Variants in TMEM272 observed in about 807,000 individuals in gnomAD.
TMEM272 encodes transmembrane protein 272.
In TMEM272, 8 loss-of-function variants were observed where a neutral mutation model predicts 3.7. That is an observed-to-expected ratio of 2.17 (90% CI 1.27 to 3.91). TMEM272 has a LOEUF of 3.91. Among genes scored for constraint, TMEM272 ranks in the 30% most tolerant of loss-of-function variants. The pLI is 0.00. For synonymous variants in TMEM272, 63 were observed against 39.8 expected (o/e 1.58, Z -2.20); for missense variants, 166 against 91.5 (o/e 1.81, Z -3.32).
the TMEM272 span, among the ~76,000 whole-genome samples, chr13:51,852,747 C>G: frequency 6.6e-6 from 1 of 151,904 alleles, no homozygotes; most frequent in South Asian, 2.1e-4. Flanking sequence ...GGCGTGGTGG[C>G]GGGCTTCTGT....
At chr13:51,923,564 C>T in the TMEM272 span, among the ~76,000 whole-genome samples, 4 of 151,814 alleles carry the variant, frequency 2.6e-5, no homozygotes, top group South Asian at 2.1e-4. Flanking sequence ...TTGGGGCTGG[C>T]GCTGTGGACT....
chr13:51,834,093 T>C (rs2139575557), intron 2 of TMEM272, among the ~76,000 whole-genome samples: 1 of 152,262 alleles, frequency 6.6e-6, no homozygotes, highest in South Asian at 2.1e-4. Flanking sequence ...GGTGCTGACC[T>C]GATAGCAAGG....
the TMEM272 span, among the ~76,000 whole-genome samples, chr13:51,924,297 G>A: frequency 1.3e-5 from 2 of 152,150 alleles, no homozygotes; most frequent in African/African-American, 4.8e-5. Flanking sequence ...GCTCTCACCT[G>A]TAATCCCAAC....
the TMEM272 span, among the ~76,000 whole-genome samples, chr13:51,928,963 C>A: frequency 6.6e-6 from 1 of 152,160 alleles, no homozygotes; most frequent in African/African-American, 2.4e-5. Flanking sequence ...CTTTGGGAGG[C>A]CAAGATGAGG....
chr13:51,934,054 G>A, the TMEM272 span: 1 of 153,834 alleles, frequency 6.5e-6, no homozygotes, highest in Non-Finnish European at 1.4e-5. Flanking sequence ...AGTGTGGCAA[G>A]CTCCCTGGCT....
intron 2 of TMEM272, among the ~76,000 whole-genome samples, chr13:51,829,326 A>G (rs1956152863): frequency 6.6e-6 from 1 of 152,170 alleles, no homozygotes; most frequent in South Asian, 2.1e-4. Context: ...CAAAAGAGAG[A>G]CTGCAGAAGA....
At chr13:51,832,192 G>T (rs576758343) in intron 2 of TMEM272, among the ~76,000 whole-genome samples, 1 of 152,276 alleles carries the variant, frequency 6.6e-6, no homozygotes, top group Non-Finnish European at 1.5e-5. Flanking sequence ...GCTGATTGCT[G>T]CTGCCCGTGA....
At chr13:51,909,054 C>T in the TMEM272 span, 158 of 1,480,098 alleles carry the variant, frequency 1.1e-4, no homozygotes, top group Non-Finnish European at 5.4e-5. Flanking sequence ...AGATGAAGGC[C>T]GACCCAATGG....
At chr13:51,850,638 G>A in the TMEM272 span, among the ~76,000 whole-genome samples, 24 of 152,068 alleles carry the variant, frequency 1.6e-4, no homozygotes, top group South Asian at 2.3e-3. Flanking sequence ...TGTTGCTACC[G>A]GTCCATTTCA....
the TMEM272 span, among the ~76,000 whole-genome samples, chr13:51,861,719 T>C: frequency 2.6e-5 from 4 of 152,124 alleles, no homozygotes; most frequent in South Asian, 2.1e-4. Flanking sequence ...CTTCTGAAAT[T>C]TGATGAAAAA....
the TMEM272 span, among the ~76,000 whole-genome samples, chr13:51,880,846 T>C: frequency 1.3e-5 from 2 of 152,190 alleles, no homozygotes; most frequent in Admixed American, 6.5e-5. Context: ...GTTCAGTGTA[T>C]ACTGCTCGGG....
At chr13:51,863,688 C>CAT in the TMEM272 span, among the ~76,000 whole-genome samples, 1 of 130,490 alleles carries the variant, frequency 7.7e-6, no homozygotes, top group Non-Finnish European at 1.7e-5. Context: ...CACACACACA[C>CAT]ACACACACAC....
chr13:51,909,932 T>A, the TMEM272 span: 1 of 1,600,720 alleles, frequency 6.2e-7, no homozygotes, highest in Non-Finnish European at 8.6e-7. Context: ...CTTTCCATAC[T>A]TCAGCTTCTT....
At chr13:51,909,124 A>G in the TMEM272 span, 8 of 1,453,616 alleles carry the variant, frequency 5.5e-6, no homozygotes, top group Non-Finnish European at 6.7e-6. Flanking sequence ...TCAAGTGCAT[A>G]AGGATCTTTT....
chr13:51,919,569 A>AT, the TMEM272 span, among the ~76,000 whole-genome samples: 4 of 152,006 alleles, frequency 2.6e-5, no homozygotes, highest in African/African-American at 9.7e-5. Context: ...AGTATCTGTA[A>AT]TTTTTTTCAC....
the TMEM272 span, among the ~76,000 whole-genome samples, chr13:51,892,313 TAC>T: frequency 6.6e-5 from 10 of 152,344 alleles, no homozygotes; most frequent in Admixed American, 3.9e-4. Flanking sequence ...TACTCCGCTG[TAC>T]ACAGTTTTTC....
At chr13:51,851,603 C>A in the TMEM272 span, among the ~76,000 whole-genome samples, 55 of 148,058 alleles carry the variant, frequency 3.7e-4, no homozygotes, top group African/African-American at 1.3e-3. Flanking sequence ...CGGCTCACCA[C>A]AACCTCCACC....
the TMEM272 span, among the ~76,000 whole-genome samples, chr13:51,922,518 T>C: frequency 6.6e-6 from 1 of 152,206 alleles, no homozygotes; most frequent in Admixed American, 6.5e-5. Flanking sequence ...CACTGCAGCC[T>C]CAACCTGCCA....
the TMEM272 span, among the ~76,000 whole-genome samples, chr13:51,915,801 C>T: frequency 6.6e-6 from 1 of 152,268 alleles, no homozygotes; most frequent in Non-Finnish European, 1.5e-5. Context: ...TGGCCGGGTG[C>T]GGTGGCTCAT....
Sources: allele counts gnomAD v4.1 joint callset (sites outside exome capture counted in the v4.1 genomes callset), GRCh38; gene constraint gnomAD v4.1.1; transcripts MANE v1.5; gene names NCBI Gene and HGNC (gene_info 2026-07-23, HGNC 2026-07-21).